The following CCSER1 variants were observed in gnomAD, a reference collection of about 807,000 sequenced individuals.
CCSER1 encodes the protein serine-rich coiled-coil domain-containing protein 1.
Under a neutral mutation model 82.0 loss-of-function variants are expected in CCSER1, and 41 were observed. The observed-to-expected ratio is 0.50, with a 90% CI of 0.39 to 0.65. CCSER1 has a LOEUF of 0.65. Among genes scored for constraint, CCSER1 ranks in the 30% least tolerant of loss-of-function variants. The pLI, the probability that CCSER1 is intolerant of heterozygous loss-of-function variation, is 0.00. For synonymous variants in CCSER1, 414 were observed against 383.9 expected (o/e 1.08, Z -0.92); for missense variants, 1,119 against 1,064.2 (o/e 1.05, Z -0.72).
At chr4:90,327,267 C>G (rs148315105) in intron 3 of CCSER1, among the ~76,000 whole-genome samples, 58 of 152,194 alleles carry the variant, frequency 3.8e-4, no homozygotes, top group African/African-American at 1.3e-3. Flanking sequence ...GTATTTTTAC[C>G]CATTGGTGTT....
chr4:90,207,607 C>T (rs1231086662), intron 1 of CCSER1, among the ~76,000 whole-genome samples: 1 of 152,142 alleles, frequency 6.6e-6, no homozygotes, highest in Non-Finnish European at 1.5e-5. Context: ...CGTTTTTGTG[C>T]TGGTTTTTCC....
chr4:90,301,877 A>C (rs973184252), intron 1 of CCSER1, among the ~76,000 whole-genome samples: 10 of 152,166 alleles, frequency 6.6e-5, no homozygotes, highest in Admixed American at 2.0e-4. Flanking sequence ...ATGTTGTTAC[A>C]TTTATCTTTC....
chr4:91,354,341 G>C (rs1318792587), intron 10 of CCSER1, among the ~76,000 whole-genome samples: 1 of 152,230 alleles, frequency 6.6e-6, no homozygotes. Flanking sequence ...TTTATCGGCA[G>C]TAAGAAGAAA....
At chr4:91,189,636 A>G (rs1734839872) in intron 10 of CCSER1, among the ~76,000 whole-genome samples, 1 of 152,208 alleles carries the variant, frequency 6.6e-6, no homozygotes. Flanking sequence ...TCTGAGAACC[A>G]TGGAGAAATA....
chr4:90,934,709 A>G (rs186525390), intron 9 of CCSER1, among the ~76,000 whole-genome samples: 1 of 152,176 alleles, frequency 6.6e-6, no homozygotes, highest in Non-Finnish European at 1.5e-5. Flanking sequence ...AGGCGGGTGG[A>G]TCAGGTGAGG....
chr4:91,187,544 G>GTTT (rs35557731), intron 10 of CCSER1, among the ~76,000 whole-genome samples: 132 of 150,794 alleles, frequency 8.8e-4, no homozygotes, highest in East Asian at 2.3e-3. Context: ...CAATAAATTT[G>GTTT]TTTTTTTTTT....
intron 10 of CCSER1, among the ~76,000 whole-genome samples, chr4:91,506,721 GT>G (rs1251902807): frequency 9.9e-5 from 15 of 152,198 alleles, no homozygotes; most frequent in African/African-American, 3.4e-4. Flanking sequence ...TTACAATTAA[GT>G]TGTTTTCAGT....
intron 10 of CCSER1, among the ~76,000 whole-genome samples, chr4:91,144,916 G>C (rs1729400546): frequency 6.6e-6 from 1 of 152,018 alleles, no homozygotes; most frequent in Non-Finnish European, 1.5e-5. Flanking sequence ...ACTGTGTGCA[G>C]ATGAGAACAT....
At chr4:90,484,626 C>T (rs1038235746) in intron 5 of CCSER1, among the ~76,000 whole-genome samples, 2 of 152,178 alleles carry the variant, frequency 1.3e-5, no homozygotes, top group Non-Finnish European at 2.9e-5. Context: ...TTGGAGTTTA[C>T]TGGAGGTCCA....
At chr4:90,715,415 A>G (rs746606468) in intron 6 of CCSER1, among the ~76,000 whole-genome samples, 11 of 151,972 alleles carry the variant, frequency 7.2e-5, no homozygotes, top group Non-Finnish European at 1.2e-4. Context: ...GGGTTATTCT[A>G]GGGTTTGGTC....
intron 10 of CCSER1, among the ~76,000 whole-genome samples, chr4:91,228,563 A>G (rs1560530634): frequency 6.6e-6 from 1 of 152,036 alleles, no homozygotes; most frequent in Non-Finnish European, 1.5e-5. Context: ...TAAAACACAT[A>G]TATAATCCAT....
intron 5 of CCSER1, among the ~76,000 whole-genome samples, chr4:90,507,503 G>C (rs1447923214): frequency 6.6e-6 from 1 of 151,844 alleles, no homozygotes; most frequent in African/African-American, 2.4e-5. Context: ...CTGGACAAGA[G>C]AAATTGAGAT....
At chr4:91,418,963 A>C (rs775997321) in intron 10 of CCSER1, among the ~76,000 whole-genome samples, 6 of 152,048 alleles carry the variant, frequency 3.9e-5, no homozygotes, top group Non-Finnish European at 7.4e-5. Context: ...TAAGTGTAAT[A>C]TATCACATTT....
intron 9 of CCSER1, among the ~76,000 whole-genome samples, chr4:90,924,149 A>C (rs1728759853): frequency 6.6e-6 from 1 of 152,180 alleles, no homozygotes; most frequent in Non-Finnish European, 1.5e-5. Flanking sequence ...AATTAATTTG[A>C]TCTTGTAGCT....
intron 9 of CCSER1, among the ~76,000 whole-genome samples, chr4:91,001,236 C>T (rs1014151837): frequency 6.6e-6 from 1 of 152,050 alleles, no homozygotes; most frequent in Non-Finnish European, 1.5e-5. Flanking sequence ...ATTGAACCAA[C>T]CTTGCATCCC....
chr4:91,009,611 T>A (rs565888930), intron 9 of CCSER1, among the ~76,000 whole-genome samples: 64 of 152,172 alleles, frequency 4.2e-4, no homozygotes, highest in Non-Finnish European at 7.1e-4. Context: ...CTTTTTGATG[T>A]CCTGATTTTA....
intron 1 of CCSER1, among the ~76,000 whole-genome samples, chr4:90,179,104 G>T (rs1403951328): frequency 6.6e-6 from 1 of 152,148 alleles, no homozygotes; most frequent in African/African-American, 2.4e-5. Context: ...TTATATAGCT[G>T]TTGCTTTATA....
At chr4:90,907,488 A>G (rs1725676073) in intron 8 of CCSER1, among the ~76,000 whole-genome samples, 1 of 152,104 alleles carries the variant, frequency 6.6e-6, no homozygotes, top group Non-Finnish European at 1.5e-5. Context: ...CTTTGGATGA[A>G]TCACCTCATT....
rs373713388 is a variant in CCSER1 at position 90,964,829 on chromosome 4, C to T, written c.2172+41382C>T. On this transcript the variant is annotated intron_variant, in intron 9 of 10. Coordinates refer to ENST00000509176, the MANE Select transcript of CCSER1 (RefSeq NM_001145065.2). The stretch of plus-strand genomic sequence containing the variant: ...AATCCACCAAAGGCTTTCGATACCA[C>T]GGAGTGTTTATTAGGGGTAAATGGT... 1.3e-3 allele frequency among the ~76,000 whole-genome samples: 192 copies of T among 151,382 alleles called. 1 individual carries two copies. The highest frequency in any genetic ancestry group is 4.1e-3 in the African/African-American group (167 of 41,144).
Sources: gnomAD v4.1 joint callset for allele counts (sites outside exome capture counted in the v4.1 genomes callset) on GRCh38, gnomAD v4.1.1 for gene constraint, MANE v1.5 for transcripts, NCBI Gene and HGNC (gene_info 2026-07-23, HGNC 2026-07-21) for gene names.